Variants in RBBP7 observed in about 807,000 individuals in gnomAD.
The protein encoded by RBBP7 is histone-binding protein RBBP7.
RBBP7 carries 5 observed loss-of-function variants against 35.2 expected under a neutral mutation model. That is an observed-to-expected ratio of 0.14 (90% confidence interval 0.07 to 0.30). RBBP7 has a LOEUF of 0.30. Ranked by LOEUF, RBBP7 falls within the 10% of genes least tolerant of loss-of-function variation. The pLI is 1.00. For synonymous variants in RBBP7, 140 were observed against 118.7 expected (o/e 1.18, Z -1.17); for missense variants, 155 against 327.5 (o/e 0.47, Z 4.07).
At chrX:16,862,863 G>C in intron 3 of RBBP7, 92 bp downstream of exon 3, 2 of 981,994 alleles carry the variant, frequency 2.0e-6, no homozygotes, top group South Asian at 5.4e-5. Context: ...TAAATTACTG[G>C]GCCAAAAGCT....
chrX:16,860,435 T>A (rs1395009376), intron 3 of RBBP7, among the ~76,000 whole-genome samples: 3 of 111,480 alleles, frequency 2.7e-5, no homozygotes, highest in Non-Finnish European at 5.7e-5. Context: ...ATGCCTGTAA[T>A]CCCGGCACTT....
chrX:16,870,004 GC>G (rs1930742063), intron 1 of RBBP7, 33 bp downstream of exon 1: 2 of 794,488 alleles, frequency 2.5e-6, no homozygotes, highest in Non-Finnish European at 3.0e-6. Flanking sequence ...GCCCCCCGCG[GC>G]CCCGGCGCGC....
intron 10 of RBBP7, 143 bp downstream of exon 10, chrX:16,849,101 C>T: frequency 2.3e-6 from 1 of 436,949 alleles, no homozygotes; most frequent in South Asian, 5.8e-5. Context: ...TGTCAAAGCC[C>T]AGTTGCAATA....
At position 16,869,982 on chromosome X, in the gene RBBP7, C is replaced by T. The variant is rs879126239; in HGVS notation, c.16+56G>A. 5.9e-5 allele frequency: 44 copies of T among 751,483 alleles called. 1 individual carries two copies. In the South Asian group the frequency reaches 2.0e-3, roughly 34 times the overall value. The allele number at this position is 751,483 out of a possible 1,213,427, so 61.9% of individuals were successfully genotyped here. ...CTTTCGCCGGCGCGTGCCGCGGCCT[C>T]GCGCGCCCGCCGCCCCCCGCGGCCC... On this transcript the variant is annotated intron_variant, in intron 1 of 11. Transcript: ENST00000380087.
chrX:16,860,949 G>A (rs1395694439), intron 3 of RBBP7, among the ~76,000 whole-genome samples: 3 of 111,500 alleles, frequency 2.7e-5, no homozygotes, highest in Non-Finnish European at 5.7e-5. Context: ...TTAGGCAGGC[G>A]AATCACTTGA....
chrX:16,851,113 G>T (rs1413625650), intron 9 of RBBP7, among the ~76,000 whole-genome samples: 2 of 81,560 alleles, frequency 2.5e-5, no homozygotes, highest in African/African-American at 5.0e-5. Context: ...GACAGAGCAA[G>T]ATTCAGTCTC....
chrX:16,868,887 C>T (rs777620194), intron 2 of RBBP7, among the ~76,000 whole-genome samples, 189 bp downstream of exon 2: 1 of 112,167 alleles, frequency 8.9e-6, no homozygotes, highest in Non-Finnish European at 1.9e-5. Flanking sequence ...GCTTCTTTCT[C>T]CCCTTTTACC....
At position 16,845,872 on chromosome X, in the gene RBBP7, T is replaced by C. The variant is rs1279832550; in HGVS notation, c.1165A>G (p.Ile389Val). The change falls in exon 11 of 12, where the codon ATT (isoleucine) becomes GTT (valine). Residue 389 changes from isoleucine to valine, a missense_variant. Transcript: ENST00000380087. ...FSWNPNEPWV[I>V]CSVSEDNIMQ... ...ATGTTATCCTCAGACACTGAGCAAA[T>C]GACCCAAGGCTCATTGGGGTTCCAG... 9 of 1,209,900 alleles carry C rather than the reference T, an allele frequency of 7.4e-6. No individual in the cohort carries two copies. The highest frequency in any genetic ancestry group is 4.4e-5 in the Admixed American group (2 of 45,723).
intron 3 of RBBP7, 136 bp from the exon 4 acceptor site, chrX:16,858,985 T>C (rs765417985): frequency 2.4e-5 from 22 of 932,343 alleles, no homozygotes; most frequent in South Asian, 2.1e-4. Flanking sequence ...GAAACATGCA[T>C]AGAGAAAACC....
At position 16,852,026 on chromosome X, in the gene RBBP7, G is replaced by A. The variant is rs1930222688; in HGVS notation, c.1040+20C>T. The A allele has an allele frequency of 8.5e-7, 1 of 1,174,920 alleles. No individual in the cohort carries two copies. The highest frequency in any genetic ancestry group is 2.2e-5 in the Admixed American group (1 of 45,654). On this transcript the variant is annotated intron_variant, in intron 9 of 11. Coordinates refer to ENST00000380087, the MANE Select transcript of RBBP7 (RefSeq NM_002893.4). ...GATAGGCACATTTATGCAGTATCTT[G>A]TCACAGGACTGTAAGTTACCTTAAA...
chrX:16,862,273 G>C (rs1930495448), intron 3 of RBBP7, among the ~76,000 whole-genome samples: 1 of 111,310 alleles, frequency 9.0e-6, no homozygotes, highest in South Asian at 3.7e-4. Context: ...GGGAGTCCTA[G>C]CAAAATCACC....
rs1304616366 is a variant in RBBP7 at position 16,844,373 on chromosome X, CCCA to C, written c.*659_*661del. On this transcript the variant is annotated 3_prime_UTR_variant, in exon 12 of 12. Coordinates refer to ENST00000380087, the MANE Select transcript of RBBP7 (RefSeq NM_002893.4). ...TAAACACACTGCTTTATTTTTACAG[CCCA>C]CGTCTTTCATGAGGATACGAATTGT... is the stretch of plus-strand genomic sequence containing the variant. The C allele has an allele frequency of 2.7e-5, 3 of 112,312 alleles. No homozygotes were observed. Among genetic ancestry groups the C allele is most frequent in the Non-Finnish European group, 5.6e-5 (3 of 53,293 alleles). 9.3% of individuals were successfully genotyped at this position (112,312 alleles called of 1,213,427 possible). A position where few individuals can be genotyped will look rare whatever the true frequency, so the allele number is the denominator to read the frequency against.
intron 11 of RBBP7, 109 bp from the exon 12 acceptor site, chrX:16,845,212 C>T: frequency 1.7e-6 from 1 of 576,160 alleles, no homozygotes; most frequent in Non-Finnish European, 2.7e-6. Context: ...TTTTACATTT[C>T]TCTCTTAAAA....
At position 16,849,413 on chromosome X, in the gene RBBP7, AAAC is replaced by A. The variant is rs1930163341; in HGVS notation, c.1041-115_1041-113del. On this transcript the variant is annotated intron_variant, in intron 9 of 11. Transcript: ENST00000380087. Reference sequence around the variant, plus strand: ...TCTTAAAACATAAACACACTCACAAAAACAACTTATTTCTATACTACAATCAAT... The same window carrying A: ...TCTTAAAACATAAACACACTCACAAAAACTTATTTCTATACTACAATCAAT... 4.5e-6 allele frequency: 3 copies of A among 665,346 alleles called. No homozygotes were observed. In the Admixed American group the frequency reaches 9.3e-5, roughly 21 times the overall value. The allele number at this position is 665,346 out of a possible 1,213,427, so 54.8% of individuals were successfully genotyped here.
chrX:16,848,671 A>G (rs1930143126), intron 10 of RBBP7: 2 of 112,028 alleles, frequency 1.8e-5, no homozygotes, highest in African/African-American at 6.5e-5. Flanking sequence ...ACAGGGAACC[A>G]TTGCTAAATC....
chrX:16,849,475 C>T (rs1273437608), intron 9 of RBBP7, among the ~76,000 whole-genome samples, 174 bp from the exon 10 acceptor site: 1 of 110,986 alleles, frequency 9.0e-6, no homozygotes. Flanking sequence ...CATGGCCTCG[C>T]TATGTTTCCC....
intron 9 of RBBP7, among the ~76,000 whole-genome samples, chrX:16,850,737 T>C (rs185695692): frequency 8.9e-6 from 1 of 111,930 alleles, no homozygotes. Flanking sequence ...TTTTAATATA[T>C]AGGTTGAGCA....
At chrX:16,858,100 C>T (rs544590810) in intron 4 of RBBP7, among the ~76,000 whole-genome samples, 18 of 111,446 alleles carry the variant, frequency 1.6e-4, no homozygotes, top group South Asian at 7.6e-4. Context: ...AAGTTCTTCA[C>T]GTCACTGACT....
At chrX:16,853,454 C>G (rs1003294711) in intron 6 of RBBP7, 1 of 283,598 alleles carries the variant, frequency 3.5e-6, no homozygotes, top group African/African-American at 2.8e-5. Context: ...ACCACCATAC[C>G]CAACTAATTT....
Sources: gnomAD v4.1 joint callset for allele counts (sites outside exome capture counted in the v4.1 genomes callset) on GRCh38, gnomAD v4.1.1 for gene constraint, MANE v1.5 for transcripts, NCBI Gene and HGNC (gene_info 2026-07-23, HGNC 2026-07-21) for gene names.